KSR2: variants seen among roughly 807,000 people sequenced by gnomAD.
The protein encoded by KSR2 is kinase suppressor of ras 2.
Under a neutral mutation model 107.8 loss-of-function variants are expected in KSR2, and 25 were observed. The ratio of observed to expected loss-of-function variants is 0.23; its 90% CI spans 0.17 to 0.32. The LOEUF is 0.32. Among genes scored for constraint, KSR2 ranks in the 10% least tolerant of loss-of-function variants. The pLI is 1.00. For missense variants in KSR2, 887 were observed against 1,268.9 expected, an observed-to-expected ratio of 0.70 and a Z score of 4.57; for synonymous variants, 480 against 507.0, an observed-to-expected ratio of 0.95 and a Z score of 0.71.
At chr12:117,645,004 G>C (rs928936521) in intron 5 of KSR2, among the ~76,000 whole-genome samples, 2 of 152,222 alleles carry the variant, frequency 1.3e-5, no homozygotes, top group Non-Finnish European at 2.9e-5. Context: ...GGCTTCAAGA[G>C]TGGACCAATA....
chr12:117,733,027 G>A (rs923957208), intron 4 of KSR2, among the ~76,000 whole-genome samples: 13 of 152,154 alleles, frequency 8.5e-5, no homozygotes, highest in Admixed American at 6.5e-5. Context: ...TGTCCTGGGA[G>A]GCACACTGCA....
At chr12:117,891,466 G>A (rs926017749) in intron 1 of KSR2, among the ~76,000 whole-genome samples, 2 of 151,830 alleles carry the variant, frequency 1.3e-5, no homozygotes, top group Non-Finnish European at 2.9e-5. Flanking sequence ...GGTGGGTGTA[G>A]TGACTCATGC....
intron 8 of KSR2, among the ~76,000 whole-genome samples, chr12:117,555,894 C>G (rs559093629): frequency 2.6e-5 from 4 of 152,162 alleles, no homozygotes; most frequent in African/African-American, 9.7e-5. Context: ...GGGAACACAG[C>G]AAGGGGCAAA....
chr12:117,949,307 G>GA (rs34791085), intron 1 of KSR2, among the ~76,000 whole-genome samples: 70,581 of 146,876 alleles, frequency 0.48, 16,679 homozygotes, highest in Middle Eastern at 0.56. Context: ...CTGTTAAGAG[G>GA]AAAAAAAAAA....
At chr12:117,852,743 C>T (rs1010335038) in intron 3 of KSR2, among the ~76,000 whole-genome samples, 62 of 152,300 alleles carry the variant, frequency 4.1e-4, no homozygotes, top group African/African-American at 1.4e-3. Flanking sequence ...TAAATTGGTA[C>T]AAACTTTCTG....
intron 3 of KSR2, among the ~76,000 whole-genome samples, chr12:117,835,357 C>T (rs1892160136): frequency 6.6e-6 from 1 of 152,122 alleles, no homozygotes; most frequent in Admixed American, 6.5e-5. Context: ...CACGGTTCCT[C>T]GCTTTCATCT....
chr12:117,782,950 T>C (rs947741650), intron 3 of KSR2, among the ~76,000 whole-genome samples: 5 of 152,196 alleles, frequency 3.3e-5, no homozygotes, highest in Admixed American at 1.3e-4. Flanking sequence ...AAAATGCTCA[T>C]GGGTTTCTAA....
At chr12:117,657,823 T>C (rs1166224862) in intron 5 of KSR2, among the ~76,000 whole-genome samples, 1 of 152,232 alleles carries the variant, frequency 6.6e-6, no homozygotes, top group African/African-American at 2.4e-5. Context: ...GCTAGCTCCA[T>C]GCCAGGCACA....
chr12:117,762,296 ATCCTTAGTCCC>A (rs1369655892), intron 3 of KSR2, among the ~76,000 whole-genome samples: 1 of 152,222 alleles, frequency 6.6e-6, no homozygotes, highest in African/African-American at 2.4e-5. Context: ...AGTCAAGTTC[ATCCTTAGTCCC>A]TCCCTGACCA....
chr12:117,643,946 C>A (rs115961678), intron 5 of KSR2, among the ~76,000 whole-genome samples: 34 of 152,212 alleles, frequency 2.2e-4, no homozygotes, highest in Non-Finnish European at 4.0e-4. Flanking sequence ...AATGAATGAT[C>A]CTTGGATGGG....
chr12:117,886,641 C>T (rs1894185917), intron 1 of KSR2, among the ~76,000 whole-genome samples: 1 of 152,130 alleles, frequency 6.6e-6, no homozygotes. Flanking sequence ...ATGCATTTCT[C>T]AGAACGTATC....
intron 4 of KSR2, among the ~76,000 whole-genome samples, chr12:117,700,513 A>G (rs555525143): frequency 6.6e-6 from 1 of 152,322 alleles, no homozygotes; most frequent in South Asian, 2.1e-4. Flanking sequence ...GTGAGCACCG[A>G]ATTGCCTTCC....
At chr12:117,522,121 T>C (rs1331074383) in intron 14 of KSR2, among the ~76,000 whole-genome samples, 1 of 152,110 alleles carries the variant, frequency 6.6e-6, no homozygotes, top group Non-Finnish European at 1.5e-5. Context: ...TGTAGGCAGT[T>C]ATGGCGCTTG....
chr12:117,853,406 T>C (rs183837865), intron 3 of KSR2, among the ~76,000 whole-genome samples: 4 of 152,254 alleles, frequency 2.6e-5, no homozygotes, highest in African/African-American at 9.6e-5. Context: ...TCAGTGGTAC[T>C]ATCTCAGCTT....
chr12:117,594,892 G>A (rs908627781), intron 5 of KSR2, among the ~76,000 whole-genome samples: 7 of 152,202 alleles, frequency 4.6e-5, no homozygotes, highest in Admixed American at 4.6e-4. Context: ...GACCAGGGAT[G>A]CTACAAACGA....
intron 4 of KSR2, among the ~76,000 whole-genome samples, chr12:117,692,449 CATATAT>C (rs57091494): frequency 0.016 from 1,332 of 84,110 alleles, 25 homozygotes; most frequent in Non-Finnish European, 0.02. Flanking sequence ...CAACTTCACT[CATATAT>C]ATATATATAT....
At chr12:117,696,516 G>C (rs1019484144) in intron 4 of KSR2, among the ~76,000 whole-genome samples, 9 of 151,850 alleles carry the variant, frequency 5.9e-5, no homozygotes, top group African/African-American at 2.2e-4. Flanking sequence ...AGCACTGGTC[G>C]GGGGGAGTAT....
rs184916715 is a variant in KSR2 at position 117,587,141 on chromosome 12, T to C, written c.1172-4782A>G. Among the ~76,000 whole-genome samples the C allele has an allele frequency of 8.9e-3, 1,361 of 152,236 alleles. 12 individuals are homozygous for C. Among genetic ancestry groups the C allele is most frequent in the Non-Finnish European group, 0.011 (716 of 68,000 alleles). On this transcript the variant is annotated intron_variant, in intron 5 of 19. Coordinates refer to ENST00000339824, the MANE Select transcript of KSR2 (RefSeq NM_173598.6). ...AGGCCTGGGAAGTGATGTAATAGCA[T>C]AATGCTCCTCTCCCACCCAAAAGAT...
chr12:117,662,389 C>T (rs761681247), intron 5 of KSR2, among the ~76,000 whole-genome samples: 66 of 152,290 alleles, frequency 4.3e-4, no homozygotes, highest in Non-Finnish European at 2.5e-4. Context: ...ACCCTTCCAG[C>T]GGCCGCTTTC....
Sources: gnomAD v4.1 joint callset for allele counts (sites outside exome capture counted in the v4.1 genomes callset) on GRCh38, gnomAD v4.1.1 for gene constraint, MANE v1.5 for transcripts, NCBI Gene and HGNC (gene_info 2026-07-23, HGNC 2026-07-21) for gene names.